Variants in TMEM45A observed in about 807,000 individuals in gnomAD.
TMEM45A encodes transmembrane protein 45A.
Under a neutral mutation model 32.0 loss-of-function variants are expected in TMEM45A, and 25 were observed. The observed-to-expected ratio is 0.78, with a 90% CI of 0.57 to 1.09. The LOEUF is 1.09. Among genes scored for constraint, TMEM45A ranks in the 50% least tolerant of loss-of-function variants. The pLI is 0.00. For missense variants in TMEM45A, 302 were observed against 325.0 expected (o/e 0.93, Z 0.54); for synonymous variants, 122 against 114.8 (o/e 1.06, Z -0.40).
intron 1 of TMEM45A, among the ~76,000 whole-genome samples, chr3:100,512,242 A>G (rs11917017): frequency 0.15 from 23,154 of 152,168 alleles, 2,089 homozygotes; most frequent in Middle Eastern, 0.21. Flanking sequence ...CTCCTCAGCA[A>G]ATGTAAAAGA....
intron 1 of TMEM45A, among the ~76,000 whole-genome samples, chr3:100,506,796 G>A (rs553986884): frequency 1.3e-5 from 2 of 152,258 alleles, no homozygotes; most frequent in South Asian, 4.2e-4. Flanking sequence ...AGTTTTCTGA[G>A]GTCAATGTAT....
At position 100,561,607 on chromosome 3, in the gene TMEM45A, GA is replaced by G. The variant is rs558507973; in HGVS notation, c.588+3027del. On this transcript the variant is annotated intron_variant, in intron 4 of 5. Transcript: ENST00000323523. ...TAGCCACATCATGCAATTTAAAAAA[GA>G]AAAAAAAATCCTGCAAGCCCCTTTA... Among the ~76,000 whole-genome samples, 206 of 150,970 alleles carry G rather than the reference GA, an allele frequency of 1.4e-3. 1 individual carries two copies. In the Middle Eastern group the frequency reaches 0.017, roughly 13 times the overall value.
At chr3:100,539,275 G>T (rs1705803168) in intron 1 of TMEM45A, among the ~76,000 whole-genome samples, 1 of 152,114 alleles carries the variant, frequency 6.6e-6, no homozygotes, top group Non-Finnish European at 1.5e-5. Flanking sequence ...GAAGAGAATA[G>T]ATAGCCCAGA....
chr3:100,546,670 A>G (rs1352661247), intron 1 of TMEM45A, among the ~76,000 whole-genome samples: 3 of 152,208 alleles, frequency 2.0e-5, no homozygotes, highest in African/African-American at 7.2e-5. Flanking sequence ...GCTCTGTGCA[A>G]AGCTTTACCT....
intron 1 of TMEM45A, among the ~76,000 whole-genome samples, chr3:100,516,608 G>C (rs1243471703): frequency 6.6e-6 from 1 of 152,040 alleles, no homozygotes; most frequent in African/African-American, 2.4e-5. Context: ...CCAGACTCAT[G>C]ATTGCCTTTC....
At chr3:100,531,931 C>T (rs962830892) in intron 1 of TMEM45A, among the ~76,000 whole-genome samples, 4 of 152,130 alleles carry the variant, frequency 2.6e-5, no homozygotes, top group African/African-American at 9.7e-5. Context: ...TTACAGTTGT[C>T]CATGTAAATA....
chr3:100,498,765 T>C (rs911236568), intron 1 of TMEM45A, among the ~76,000 whole-genome samples: 8 of 152,230 alleles, frequency 5.3e-5, no homozygotes, highest in African/African-American at 1.9e-4. Context: ...GGATTACCCC[T>C]TATTTTTAAT....
chr3:100,576,234 A>C (rs1706682303), intron 5 of TMEM45A, among the ~76,000 whole-genome samples: 1 of 152,144 alleles, frequency 6.6e-6, no homozygotes, highest in Admixed American at 6.5e-5. Context: ...GTGGATCACG[A>C]GGTCAGGAGT....
chr3:100,535,190 G>A (rs1184517306), intron 1 of TMEM45A, among the ~76,000 whole-genome samples: 1 of 151,470 alleles, frequency 6.6e-6, no homozygotes, highest in African/African-American at 2.4e-5. Context: ...GTGCAATCTC[G>A]GTTCACTACA....
In TMEM45A at chr3:100,557,911, T is replaced by C. The variant is rs376888790; in HGVS notation, c.404-494T>C. ...ATATCTGTCAAAATCCACCCGTATG[T>C]GTTTGCTTCCTCCAGTGGACTGAAT... On this transcript the variant is annotated intron_variant, in intron 3 of 5. Coordinates refer to ENST00000323523, the MANE Select transcript of TMEM45A (RefSeq NM_018004.3). 2.6e-5 allele frequency among the ~76,000 whole-genome samples: 4 copies of C among 152,346 alleles called. No individual in the cohort carries two copies. The East Asian group carries it at 7.7e-4, about 29-fold the overall frequency.
intron 1 of TMEM45A, among the ~76,000 whole-genome samples, chr3:100,524,552 C>T (rs1269457173): frequency 6.6e-6 from 1 of 152,142 alleles, no homozygotes; most frequent in African/African-American, 2.4e-5. Context: ...AGCCACGAGC[C>T]ACATGTGGCT....
chr3:100,568,939 GTTGGAATGAATTATGC>G lies in TMEM45A; in HGVS notation c.709_724del (p.Gly237SerfsTer21). On this transcript the variant is annotated frameshift_variant, in exon 5 of 6. Coordinates refer to ENST00000323523, the MANE Select transcript of TMEM45A (RefSeq NM_018004.3). LOFTEE classifies it high-confidence loss of function. ...GCATTATGCAGTAACCATTGTCATCGTTGGAATGAATTATGCTTTCATTACCTGGTAAGTTAGCGAT... is the reference window on the plus strand; with the variant it reads ...GCATTATGCAGTAACCATTGTCATCGTTTCATTACCTGGTAAGTTAGCGAT... The G allele has an allele frequency of 1.2e-6, 2 of 1,613,124 alleles. No homozygotes were observed. The highest frequency in any genetic ancestry group is 1.3e-5 in the African/African-American group (1 of 75,008).
At chr3:100,507,697 G>A (rs1433977949) in intron 1 of TMEM45A, among the ~76,000 whole-genome samples, 4 of 152,130 alleles carry the variant, frequency 2.6e-5, no homozygotes, top group African/African-American at 9.7e-5. Context: ...TGATGGTCTG[G>A]ATGGCGAGAA....
intron 1 of TMEM45A, among the ~76,000 whole-genome samples, chr3:100,538,725 G>A (rs1417360870): frequency 1.3e-5 from 2 of 151,814 alleles, no homozygotes; most frequent in Non-Finnish European, 2.9e-5. Flanking sequence ...CAATGTTTTA[G>A]GTGACAAGAT....
At chr3:100,575,787 G>A (rs979435763) in intron 5 of TMEM45A, among the ~76,000 whole-genome samples, 1 of 152,220 alleles carries the variant, frequency 6.6e-6, no homozygotes, top group Admixed American at 6.5e-5. Context: ...CTGCACAAAA[G>A]CTCCCCCTGG....
At chr3:100,523,816 CT>C (rs1705487767) in intron 1 of TMEM45A, among the ~76,000 whole-genome samples, 1 of 81,724 alleles carries the variant, frequency 1.2e-5, no homozygotes, top group Non-Finnish European at 2.1e-5. Flanking sequence ...CCTCCTCCTC[CT>C]TCTTCTTTTT....
intron 1 of TMEM45A, among the ~76,000 whole-genome samples, chr3:100,528,137 T>C (rs1470379181): frequency 6.6e-6 from 1 of 152,246 alleles, no homozygotes; most frequent in Non-Finnish European, 1.5e-5. Flanking sequence ...TTGCTAAGTA[T>C]GGTCACTCTA....
chr3:100,538,250 T>A (rs1705782077), intron 1 of TMEM45A, among the ~76,000 whole-genome samples: 1 of 152,224 alleles, frequency 6.6e-6, no homozygotes, highest in African/African-American at 2.4e-5. Context: ...ATTCTATTGC[T>A]TCTTATTGTT....
At chr3:100,549,901 T>C (rs1706057068) in intron 1 of TMEM45A, among the ~76,000 whole-genome samples, 1 of 151,848 alleles carries the variant, frequency 6.6e-6, no homozygotes, top group African/African-American at 2.4e-5. Context: ...CATGAACTCA[T>C]CATTTTTTAT....
Sources: allele counts gnomAD v4.1 joint callset (sites outside exome capture counted in the v4.1 genomes callset), GRCh38; gene constraint gnomAD v4.1.1; transcripts MANE v1.5; gene names NCBI Gene and HGNC (gene_info 2026-07-23, HGNC 2026-07-21).